The following SLC15A2 variants were observed in gnomAD, a reference collection of about 807,000 sequenced individuals.
SLC15A2 encodes solute carrier family 15 member 2.
SLC15A2 carries 77 observed loss-of-function variants against 95.5 expected under a neutral mutation model. The observed-to-expected ratio is 0.81, with a 90% CI of 0.67 to 0.97. The LOEUF is 0.97. Ranked by LOEUF, SLC15A2 falls within the 50% of genes least tolerant of loss-of-function variation. The probability of loss-of-function intolerance (pLI) is 0.00; values close to 1 mark genes in which losing one functional copy is unlikely to be tolerated. For synonymous variants in SLC15A2, 306 were observed against 306.9 expected (o/e 1.00, Z 0.03); for missense variants, 893 against 874.4 (o/e 1.02, Z -0.27).
chr3:121,917,557 G>A (rs55955745), intron 7 of SLC15A2, among the ~76,000 whole-genome samples: 10,622 of 151,982 alleles, frequency 0.07, 423 homozygotes, highest in South Asian at 0.16. Flanking sequence ...GTATGATGGC[G>A]CACACCTATG....
rs192955628 is a variant in SLC15A2, at chr3:121,896,425, A to G, written c.125A>G (p.Tyr42Cys). 21 of 1,614,010 alleles carry G rather than the reference A, an allele frequency of 1.3e-5. No homozygotes were observed. The African/African-American group carries it at 1.5e-4, about 11-fold the overall frequency. Residue 42 changes from tyrosine to cysteine, a missense_variant, in exon 2 of 22, where the codon TAT becomes TGT. Physicochemically the swap from Tyr to Cys is radical, Grantham distance 194. Transcript: ENST00000489711. ...KPSPTICGSN[Y>C]PLSIAFIVVN... ...GAATAGACAATCTGTGGCTCCAACTATCCACTGAGCATTGCCTTCATTGTG... is the reference window on the plus strand; with the variant it reads ...GAATAGACAATCTGTGGCTCCAACTGTCCACTGAGCATTGCCTTCATTGTG...
In SLC15A2 at chr3:121,915,626, A is replaced by G. The variant is rs754907597; in HGVS notation, c.630A>G (p.Gln210=). 3.1e-5 allele frequency: 50 copies of G among 1,613,272 alleles called. No individual in the cohort carries two copies. The Admixed American group carries it at 6.5e-4, about 21-fold the overall frequency. The change falls in exon 7 of 22, where the codon CAA becomes CAG. Residue 210 remains glutamine, a synonymous_variant. Transcript: ENST00000489711. ...FITPMLRGDV[Q]CFGEDCYALA... ...TCCCATTTTCTTTAGGAGATGTGCA[A>G]TGTTTTGGAGAAGACTGCTATGCAT... is the stretch of plus-strand genomic sequence containing the variant.
chr3:121,923,074 G>T lies in SLC15A2; in HGVS notation c.902G>T (p.Arg301Met). The change falls in exon 10 of 22, where the codon AGG becomes ATG. Residue 301 changes from arginine to methionine, a missense_variant. Coordinates refer to ENST00000489711, the MANE Select transcript of SLC15A2 (RefSeq NM_021082.4). ...QLIMDVKALT[R>M]VLFLYIPLPM... ...ATTATGGATGTAAAGGCACTGACCAGGGTACTATTCCTTTATATCCCATTG... is the reference window on the plus strand; with the variant it reads ...ATTATGGATGTAAAGGCACTGACCATGGTACTATTCCTTTATATCCCATTG... 6.2e-7 allele frequency: 1 copy of T among 1,614,042 alleles called. No individual in the cohort carries two copies. Among genetic ancestry groups the T allele is most frequent in the South Asian group, 1.1e-5 (1 of 91,064 alleles).
chr3:121,915,793 C>T (rs180741142), intron 7 of SLC15A2, 100 bp downstream of exon 7: 27 of 817,226 alleles, frequency 3.3e-5, no homozygotes, highest in African/African-American at 5.0e-5. Flanking sequence ...TCAATCCTCA[C>T]ACCAGGCCTA....
At chr3:121,933,742 G>A (rs1274139356) in intron 19 of SLC15A2, among the ~76,000 whole-genome samples, 5 of 151,726 alleles carry the variant, frequency 3.3e-5, no homozygotes, top group Non-Finnish European at 5.9e-5. Context: ...AGTTTCTTTT[G>A]CTGTGCAGAA....
chr3:121,934,309 G>A (rs1031281361), intron 19 of SLC15A2, among the ~76,000 whole-genome samples: 5 of 152,182 alleles, frequency 3.3e-5, no homozygotes, highest in African/African-American at 4.8e-5. Context: ...GAAAGTCATT[G>A]GTAGCTTGAT....
rs1710457271 is a variant in SLC15A2 at position 121,941,141 on chromosome 3, T to C, written c.*134T>C. The C allele has an allele frequency of 3.9e-6, 3 of 777,874 alleles. No individual in the cohort carries two copies. The highest frequency in any genetic ancestry group is 4.0e-6 in the Non-Finnish European group (2 of 498,190). 48.2% of individuals were successfully genotyped at this position (777,874 alleles called of 1,614,324 possible). On this transcript the variant is annotated 3_prime_UTR_variant, in exon 22 of 22. Coordinates refer to ENST00000489711, the MANE Select transcript of SLC15A2 (RefSeq NM_021082.4). ...CTCCACCTTTCTCCAATGACAGAAG[T>C]TCCAGGACTGGTTTTCCAGTACATC...
Position 121,924,374 on chromosome 3 carries a change from C to T in SLC15A2, c.1026C>T (p.Asp342=). 1.2e-6 allele frequency: 2 copies of T among 1,613,356 alleles called. No homozygotes were observed. Among genetic ancestry groups the T allele is most frequent in the Non-Finnish European group, 1.7e-6 (2 of 1,179,470 alleles). Residue 342 remains aspartate (D), a synonymous_variant, in exon 12 of 22, where the codon GAC becomes GAT. Coordinates refer to ENST00000489711, the MANE Select transcript of SLC15A2 (RefSeq NM_021082.4). ...AGGGGTTTTTTGTGCTTCAGCCGGA[C>T]CAGATGCAGGTATGTGACTCTTCTA... The part of the protein sequence containing the change: ...RNLGFFVLQP[D]QMQVLNPLLV...
chr3:121,930,575 C>T (rs1397186080), intron 17 of SLC15A2, among the ~76,000 whole-genome samples: 2 of 151,986 alleles, frequency 1.3e-5, no homozygotes, highest in African/African-American at 2.4e-5. Flanking sequence ...TGATAGTGTC[C>T]GTCTAGCTAG....
Position 121,930,935 on chromosome 3 carries a change from C to T in SLC15A2, c.1649C>T (p.Thr550Ile). The T allele has an allele frequency of 1.2e-6, 2 of 1,608,292 alleles. No individual in the cohort carries two copies. The highest frequency in any genetic ancestry group is 1.1e-5 in the South Asian group (1 of 90,952). Residue 550 changes from threonine to isoleucine, a missense_variant, in exon 18 of 22, where the codon ACT becomes ATT. Coordinates refer to ENST00000489711, the MANE Select transcript of SLC15A2 (RefSeq NM_021082.4). ...GACTATGGTGTGTCTGCTTATAGAA[C>T]TGTGCAAAGAGGAGAGTAAGTGCAT... ...GEDYGVSAYR[T>I]VQRGEYPAVH...
Position 121,941,137 on chromosome 3 carries a change from G to C in SLC15A2, c.*130G>C. The C allele has an allele frequency of 1.3e-6, 1 of 783,082 alleles. No homozygotes were observed. The highest frequency in any genetic ancestry group is 2.8e-5 in the East Asian group (1 of 35,326). The allele number at this position is 783,082 out of a possible 1,614,324, so 48.5% of individuals were successfully genotyped here. On this transcript the variant is annotated 3_prime_UTR_variant, in exon 22 of 22. Coordinates refer to ENST00000489711, the MANE Select transcript of SLC15A2 (RefSeq NM_021082.4). ...TCTCCTCCACCTTTCTCCAATGACA[G>C]AAGTTCCAGGACTGGTTTTCCAGTA...
rs184434738 is a variant in SLC15A2, at chr3:121,940,236, T to C, written c.1909-148T>C. On this transcript the variant is annotated intron_variant, in intron 20 of 21. Coordinates refer to ENST00000489711, the MANE Select transcript of SLC15A2 (RefSeq NM_021082.4). The stretch of plus-strand genomic sequence containing the variant: ...CTTCATCTTATTCTTACTGTTTACA[T>C]TATTAACACCCTCTGAATCAATGTG... 60 of 599,778 alleles carry C rather than the reference T, an allele frequency of 1.0e-4. No individual in the cohort carries two copies. In the East Asian group the frequency reaches 1.6e-3, roughly 16 times the overall value. The allele number at this position is 599,778 out of a possible 1,614,324, so 37.2% of individuals were successfully genotyped here.
chr3:121,939,465 T>C lies in SLC15A2; in HGVS notation c.1878T>C (p.Ser626=). 2 of 1,521,932 alleles carry C rather than the reference T, an allele frequency of 1.3e-6. No homozygotes were observed. Among genetic ancestry groups the C allele is most frequent in the South Asian group, 2.6e-5 (2 of 76,318 alleles). The allele number at this position is 1,521,932 out of a possible 1,614,324, so 94.3% of individuals were successfully genotyped here. The change falls in exon 20 of 22, where the codon TCT becomes TCC. Residue 626 remains serine, a synonymous_variant. Coordinates refer to ENST00000489711, the MANE Select transcript of SLC15A2 (RefSeq NM_021082.4). ...ALVTAGEVMF[S]VTGLEFSYSQ... ...TTACAGCTGGGGAGGTCATGTTCTC[T>C]GTCACAGGTCTTGAGTTTTCTTATT...
At position 121,940,403 on chromosome 3, in the gene SLC15A2, C is replaced by A. The variant is rs760930595; in HGVS notation, c.1928C>A (p.Ser643Tyr). The change falls in exon 21 of 22, where the codon TCT becomes TAT. Residue 643 changes from serine (S) to tyrosine (Y), a missense_variant. Ser to Tyr is a moderately radical substitution (Grantham distance 144). Transcript: ENST00000489711. ...CCCCAGGCTCCCTCTAGCATGAAATCTGTGCTCCAGGCAGCTTGGCTATTG... is the reference window on the plus strand; with the variant it reads ...CCCCAGGCTCCCTCTAGCATGAAATATGTGCTCCAGGCAGCTTGGCTATTG... ...SYSQAPSSMK[S>Y]VLQAAWLLTI... 1.2e-6 allele frequency: 2 copies of A among 1,614,016 alleles called. No individual in the cohort carries two copies. Among genetic ancestry groups the A allele is most frequent in the Non-Finnish European group, 1.7e-6 (2 of 1,179,932 alleles).
intron 3 of SLC15A2, among the ~76,000 whole-genome samples, chr3:121,900,617 A>T (rs57636696): frequency 0.23 from 34,422 of 152,026 alleles, 4,406 homozygotes; most frequent in Non-Finnish European, 0.3. Context: ...AAAATGTAAT[A>T]CTAATATTTC....
In SLC15A2 at chr3:121,941,010, A is replaced by C. The variant is rs756335354; in HGVS notation, c.*3A>C. On this transcript the variant is annotated 3_prime_UTR_variant, in exon 22 of 22. Coordinates refer to ENST00000489711, the MANE Select transcript of SLC15A2 (RefSeq NM_021082.4). ...AGACCAAGAAGACAAAACTCTGATG[A>C]CTCCCTAGATTCTGTCCTGACCCCA... The C allele has an allele frequency of 2.5e-6, 4 of 1,611,900 alleles. No individual in the cohort carries two copies. In the South Asian group the frequency reaches 4.4e-5, roughly 18 times the overall value.
At chr3:121,909,606 G>GGTTTTTGTTTGTTTGTT (rs1387810395) in intron 3 of SLC15A2, among the ~76,000 whole-genome samples, 1 of 151,606 alleles carries the variant, frequency 6.6e-6, no homozygotes, top group African/African-American at 2.4e-5. Context: ...TTTCCTATGA[G>GGTTTTTGTTTGTTTGTT]GTTTTTGTTT....
intron 19 of SLC15A2, among the ~76,000 whole-genome samples, chr3:121,935,767 A>G (rs1385102281): frequency 6.6e-6 from 1 of 151,566 alleles, no homozygotes; most frequent in Non-Finnish European, 1.5e-5. Flanking sequence ...TATTTCCTTT[A>G]GTTCTGCTCT....
At chr3:121,925,183 C>T (rs2250067) in intron 13 of SLC15A2, 150 bp downstream of exon 13, 279,187 of 637,024 alleles carry the variant, frequency 0.44, 64,703 homozygotes, top group East Asian at 0.72. Flanking sequence ...AGACTAACTG[C>T]CTATTGACCC....
Sources: gnomAD v4.1 joint callset for allele counts (sites outside exome capture counted in the v4.1 genomes callset) on GRCh38, gnomAD v4.1.1 for gene constraint, MANE v1.5 for transcripts, NCBI Gene and HGNC (gene_info 2026-07-23, HGNC 2026-07-21) for gene names.